UTRN: variants seen among roughly 807,000 people sequenced by gnomAD.
UTRN encodes dystrophin-related protein 1.
Under a neutral mutation model 463.9 loss-of-function variants are expected in UTRN, and 283 were observed. The observed-to-expected ratio is 0.61, with a 90% confidence interval of 0.55 to 0.67. The LOEUF is 0.67. Among genes scored for constraint, UTRN ranks in the 30% least tolerant of loss-of-function variants. The pLI is 0.00. For synonymous variants in UTRN, 1,442 were observed against 1,431.5 expected (o/e 1.01, Z -0.17); for missense variants, 3,922 against 4,084.3 (o/e 0.96, Z 1.08).
At chr6:144,821,309 TA>T (rs1030573762) in intron 66 of UTRN, among the ~76,000 whole-genome samples, 1 of 152,150 alleles carries the variant, frequency 6.6e-6, no homozygotes, top group Non-Finnish European at 1.5e-5. Context: ...CTTTTCTTTT[TA>T]AAAACACTTA....
intron 51 of UTRN, among the ~76,000 whole-genome samples, chr6:144,660,624 G>A (rs1385056953): frequency 6.6e-6 from 1 of 152,130 alleles, no homozygotes; most frequent in Admixed American, 6.5e-5. Flanking sequence ...ACTGGGTATT[G>A]GTGCCAAAGT....
intron 23 of UTRN, among the ~76,000 whole-genome samples, chr6:144,470,951 G>A (rs541144373): frequency 6.6e-6 from 1 of 151,230 alleles, no homozygotes; most frequent in Non-Finnish European, 1.5e-5. Flanking sequence ...AGGCAGGGAG[G>A]TTGCATTGAG....
intron 51 of UTRN, among the ~76,000 whole-genome samples, chr6:144,631,355 C>A (rs11155364): frequency 0.11 from 16,810 of 151,942 alleles, 1,540 homozygotes; most frequent in East Asian, 0.52. Flanking sequence ...CCAACTCCAG[C>A]AATGCTGATC....
rs9403596 is a variant in UTRN at position 144,732,665 on chromosome 6, T to C, written c.7939+2179T>C. On this transcript the variant is annotated intron_variant, in intron 54 of 74. Transcript: ENST00000367545. ...TGTTTCATTTTATGTCATGTTATGT[T>C]ATGTTATGTTATGTTATGTTATGTT... is the stretch of plus-strand genomic sequence containing the variant. Among the ~76,000 whole-genome samples the C allele has an allele frequency of 1.3e-3, 124 of 96,954 alleles. 2 individuals carry two copies. In the East Asian group the frequency reaches 0.027, roughly 21 times the overall value. 63.6% of individuals were successfully genotyped at this position (96,954 alleles called of 152,430 possible). A position where few individuals can be genotyped will look rare whatever the true frequency, so the allele number is the denominator to read the frequency against.
At chr6:144,629,239 A>G (rs1776262825) in intron 51 of UTRN, among the ~76,000 whole-genome samples, 2 of 152,170 alleles carry the variant, frequency 1.3e-5, no homozygotes, top group African/African-American at 4.8e-5. Context: ...TTTAAAAAAA[A>G]AAAGCAAAAA....
At chr6:144,291,566 A>G (rs1398739936) in intron 1 of UTRN, among the ~76,000 whole-genome samples, 171 bp from the exon 2 acceptor site, 1 of 152,244 alleles carries the variant, frequency 6.6e-6, no homozygotes. Context: ...TAAGCGCCGT[A>G]ATGGCAGAGG....
chr6:144,369,426 G>A (rs1204679297), intron 2 of UTRN, among the ~76,000 whole-genome samples: 1 of 152,180 alleles, frequency 6.6e-6, no homozygotes, highest in African/African-American at 2.4e-5. Flanking sequence ...AGACCATCCT[G>A]GCCAACATGG....
chr6:144,834,078 C>T (rs894952592), intron 69 of UTRN, among the ~76,000 whole-genome samples: 2 of 152,152 alleles, frequency 1.3e-5, no homozygotes, highest in African/African-American at 2.4e-5. Context: ...TGCGTTTTCT[C>T]AGGAAAGGGA....
rs1785292988 is a variant in UTRN, at chr6:144,426,363, G to A, written c.482G>A (p.Arg161His). 4.3e-6 allele frequency: 7 copies of A among 1,614,112 alleles called. No homozygotes were observed. Among genetic ancestry groups the A allele is most frequent in the Non-Finnish European group, 5.9e-6 (7 of 1,180,000 alleles). ...NSEKILLSWVRQTTRPYSQVN... is the reference protein window; with the variant it reads ...NSEKILLSWVHQTTRPYSQVN... ...GAGAAGATCCTGCTCAGCTGGGTGC[G>A]TCAGACCACCAGGCCCTACAGCCAA... Residue 161 changes from arginine to histidine, a missense_variant, in exon 7 of 75, where the codon CGT (arginine) becomes CAT (histidine). Physicochemically the swap from Arg to His is conservative, Grantham distance 29 (BLOSUM62 0). Transcript: ENST00000367545.
intron 51 of UTRN, among the ~76,000 whole-genome samples, chr6:144,653,818 TGATGG>T (rs1024559061): frequency 5.3e-5 from 8 of 152,206 alleles, no homozygotes; most frequent in Non-Finnish European, 1.2e-4. Flanking sequence ...TTTTAACATT[TGATGG>T]GCATTGTTAA....
At chr6:144,606,984 G>A (rs1309390810) in intron 51 of UTRN, among the ~76,000 whole-genome samples, 1 of 152,154 alleles carries the variant, frequency 6.6e-6, no homozygotes, top group Non-Finnish European at 1.5e-5. Flanking sequence ...TGGCCTCATT[G>A]TACATCCTTT....
At position 144,461,324 on chromosome 6, in the gene UTRN, G is replaced by T. The variant is rs753032372; in HGVS notation, c.2835G>T (p.Lys945Asn). The T allele has an allele frequency of 1.3e-6, 2 of 1,570,444 alleles. No individual in the cohort carries two copies. The highest frequency in any genetic ancestry group is 1.7e-6 in the Non-Finnish European group (2 of 1,158,230). Reference protein sequence around the residue: ...NVLNDLAKVEKALQEKKTLDE... With the variant: ...NVLNDLAKVENALQEKKTLDE... ...TTAATGATCTTGCCAAGGTGGAGAA[G>T]GCCCTGCAAGAAAAAAAGGTAACAT... The change falls in exon 22 of 75, where the codon AAG becomes AAT. Residue 945 changes from lysine (K) to asparagine (N), a missense_variant. Lys to Asn is a moderately conservative substitution (Grantham distance 94). Around this residue, in one of 3 missense-constraint regions of UTRN, gnomAD observed 2,349 missense variants for 2,303.8 expected, o/e 1.02. Transcript: ENST00000367545.
intron 56 of UTRN, among the ~76,000 whole-genome samples, chr6:144,753,896 TG>T: frequency 6.6e-6 from 1 of 151,708 alleles, no homozygotes; most frequent in East Asian, 1.9e-4. Context: ...AAACCAAAAA[TG>T]TATATTAAAA....
chr6:144,772,004 A>T, intron 59 of UTRN, 36 bp downstream of exon 59: 2 of 865,884 alleles, frequency 2.3e-6, no homozygotes, highest in Non-Finnish European at 3.4e-6. Flanking sequence ...TAACCTAAAC[A>T]ACTGAGAACC....
chr6:144,513,565 A>G (rs528360351), intron 35 of UTRN, among the ~76,000 whole-genome samples: 7 of 152,298 alleles, frequency 4.6e-5, no homozygotes, highest in Admixed American at 3.3e-4. Flanking sequence ...AAAAAGAAAA[A>G]AAGATTGAAG....
chr6:144,292,045 C>T (rs1804292712), intron 2 of UTRN, 138 bp downstream of exon 2: 3 of 840,364 alleles, frequency 3.6e-6, no homozygotes, highest in Admixed American at 3.4e-5. Flanking sequence ...TGACAAATGA[C>T]TATAATTTTG....
intron 45 of UTRN, 36 bp downstream of exon 45, chr6:144,539,479 T>A: frequency 6.5e-7 from 1 of 1,541,050 alleles, no homozygotes; most frequent in Non-Finnish European, 8.8e-7. Flanking sequence ...TTTCTCATAT[T>A]TATTGATTTT....
intron 56 of UTRN, among the ~76,000 whole-genome samples, chr6:144,752,901 C>T (rs1452369919): frequency 6.6e-6 from 1 of 152,168 alleles, no homozygotes; most frequent in Non-Finnish European, 1.5e-5. Context: ...TCATCCTTAT[C>T]TATGATCCTG....
intron 34 of UTRN, among the ~76,000 whole-genome samples, chr6:144,503,142 A>G (rs946921022): frequency 6.6e-6 from 1 of 151,922 alleles, no homozygotes; most frequent in African/African-American, 2.4e-5. Context: ...TTGTAGATTC[A>G]GGATATTAGC....
Sources: gnomAD v4.1 joint callset for allele counts (sites outside exome capture counted in the v4.1 genomes callset) on GRCh38, gnomAD v4.1.1 for gene constraint, gnomAD v4.1.1 regional missense constraint, MANE v1.5 for transcripts, NCBI Gene and HGNC (gene_info 2026-07-23, HGNC 2026-07-21) for gene names.